PRKG1: variants seen among roughly 807,000 people sequenced by gnomAD.
The protein encoded by PRKG1 is protein kinase cGMP-dependent 1.
A neutral mutation model predicts 88.1 loss-of-function variants in PRKG1; 35 were observed. The ratio of observed to expected loss-of-function variants is 0.40; its 90% CI spans 0.30 to 0.53. The LOEUF (loss-of-function observed/expected upper bound fraction) is 0.53. Ranked by LOEUF, PRKG1 falls within the 20% of genes least tolerant of loss-of-function variation. PRKG1 has a pLI of 0.59. For missense variants in PRKG1, 540 were observed against 839.8 expected, an observed-to-expected ratio of 0.64 and a Z score of 4.41; for synonymous variants, 303 against 292.5, an observed-to-expected ratio of 1.04 and a Z score of -0.37.
At chr10:51,612,488 C>A (rs1279347423) in intron 3 of PRKG1, among the ~76,000 whole-genome samples, 2 of 151,884 alleles carry the variant, frequency 1.3e-5, no homozygotes, top group East Asian at 3.8e-4. Context: ...TTGTATCTAG[C>A]AATTTTACTG....
rs1215623061 is a variant in PRKG1, at chr10:51,566,184, A to G, written c.592+98348A>G. On this transcript the variant is annotated intron_variant, in intron 3 of 17. Transcript: ENST00000373980. ...TATGGCACACTGGCAATTCCTAGAA[A>G]TTTCTCTCTCCAGGGATAAGACTTG... Among the ~76,000 whole-genome samples, 7 of 152,010 alleles carry G rather than the reference A, an allele frequency of 4.6e-5. No individual in the cohort carries two copies. In the South Asian group the frequency reaches 8.3e-4, roughly 18 times the overall value.
intron 2 of PRKG1, among the ~76,000 whole-genome samples, chr10:51,214,175 T>C (rs1299667611): frequency 6.6e-6 from 1 of 152,152 alleles, no homozygotes; most frequent in South Asian, 2.1e-4. Context: ...ATAGGTGATA[T>C]TATATATATG....
chr10:51,464,635 T>C (rs1471266916), intron 2 of PRKG1, among the ~76,000 whole-genome samples: 1 of 151,950 alleles, frequency 6.6e-6, no homozygotes, highest in Non-Finnish European at 1.5e-5. Context: ...CTCACGCCTG[T>C]AATCCCAGCA....
intron 3 of PRKG1, among the ~76,000 whole-genome samples, chr10:51,793,104 C>CA (rs772286011): frequency 1.2e-4 from 9 of 72,802 alleles, no homozygotes; most frequent in Non-Finnish European, 1.8e-4. Flanking sequence ...ACAAATAATT[C>CA]AAAATCTCTA....
chr10:52,089,369 C>A (rs1846994299), intron 7 of PRKG1, among the ~76,000 whole-genome samples: 1 of 152,100 alleles, frequency 6.6e-6, no homozygotes. Context: ...ATTTGGTTGG[C>A]CATTCTCAGC....
At chr10:52,220,807 C>T (rs1046130140) in intron 9 of PRKG1, among the ~76,000 whole-genome samples, 3 of 152,024 alleles carry the variant, frequency 2.0e-5, no homozygotes, top group Admixed American at 6.6e-5. Flanking sequence ...TTTCTTTATC[C>T]AGTATACCGT....
chr10:51,619,548 C>T (rs1177925399), intron 3 of PRKG1, among the ~76,000 whole-genome samples: 2 of 152,166 alleles, frequency 1.3e-5, no homozygotes, highest in African/African-American at 4.8e-5. Context: ...AGTTTGATAG[C>T]TGTGGAGGGA....
intron 2 of PRKG1, among the ~76,000 whole-genome samples, chr10:51,211,942 T>G (rs969639369): frequency 5.3e-5 from 8 of 152,228 alleles, no homozygotes; most frequent in African/African-American, 1.9e-4. Context: ...ACAATGACTT[T>G]CTTCACAGAA....
chr10:51,825,772 G>A (rs1038718261), intron 4 of PRKG1, among the ~76,000 whole-genome samples: 5 of 152,150 alleles, frequency 3.3e-5, no homozygotes, highest in African/African-American at 9.6e-5. Context: ...AATTAATCTA[G>A]CAGGAATGCA....
chr10:51,604,499 G>T (rs1374512991), intron 3 of PRKG1, among the ~76,000 whole-genome samples: 2 of 152,122 alleles, frequency 1.3e-5, no homozygotes, highest in African/African-American at 4.8e-5. Flanking sequence ...AACCATATCT[G>T]ATTCACAACC....
chr10:51,930,990 C>T (rs1842682414), intron 5 of PRKG1, among the ~76,000 whole-genome samples: 2 of 152,128 alleles, frequency 1.3e-5, no homozygotes, highest in Non-Finnish European at 2.9e-5. Flanking sequence ...CTCCTGTCCT[C>T]AGCATTGGTG....
chr10:51,900,830 G>A (rs1403711782), intron 4 of PRKG1, among the ~76,000 whole-genome samples: 1 of 151,984 alleles, frequency 6.6e-6, no homozygotes, highest in East Asian at 1.9e-4. Context: ...AACTCGGCTT[G>A]TAACTCCAAC....
chr10:51,720,386 A>G (rs1236719550), intron 3 of PRKG1, among the ~76,000 whole-genome samples: 1 of 152,230 alleles, frequency 6.6e-6, no homozygotes, highest in Non-Finnish European at 1.5e-5. Context: ...GAACATGCTC[A>G]CTATCTTACT....
chr10:51,870,420 T>A lies in PRKG1; in HGVS notation c.699-37087T>A, dbSNP rs1841127099. Among the ~76,000 whole-genome samples the A allele has an allele frequency of 2.8e-5, 4 of 143,788 alleles. No individual in the cohort carries two copies. In the South Asian group the frequency reaches 8.3e-4, roughly 30 times the overall value. The allele number at this position is 143,788 out of a possible 152,430, so 94.3% of individuals were successfully genotyped here. Reference sequence around the variant, plus strand: ...TTTCTCCTCTTCCTTTCACCGTCCATCTGCTTGGCCATTTTGTCCCTAATG... The same window carrying A: ...TTTCTCCTCTTCCTTTCACCGTCCAACTGCTTGGCCATTTTGTCCCTAATG... On this transcript the variant is annotated intron_variant, in intron 4 of 17. Transcript: ENST00000373980.
At chr10:51,033,608 G>T (rs1448520516) in intron 1 of PRKG1, among the ~76,000 whole-genome samples, 2 of 152,156 alleles carry the variant, frequency 1.3e-5, no homozygotes, top group African/African-American at 4.8e-5. Flanking sequence ...AATATGTGTT[G>T]TATCTACCAC....
At chr10:51,957,237 C>A (rs1391851400) in intron 5 of PRKG1, among the ~76,000 whole-genome samples, 3 of 139,566 alleles carry the variant, frequency 2.1e-5, no homozygotes, top group Non-Finnish European at 4.6e-5. Context: ...TCTTTCTCTA[C>A]TTCTCTCTTT....
intron 2 of PRKG1, among the ~76,000 whole-genome samples, chr10:51,448,664 T>C (rs1459838219): frequency 1.3e-5 from 2 of 152,064 alleles, no homozygotes; most frequent in Non-Finnish European, 2.9e-5. Context: ...ACTGAAAGCA[T>C]GTCCCTGTTT....
chr10:51,656,296 G>A (rs1398797818), intron 3 of PRKG1, among the ~76,000 whole-genome samples: 1 of 152,194 alleles, frequency 6.6e-6, no homozygotes, highest in African/African-American at 2.4e-5. Context: ...GAACCACAGG[G>A]TATCAGGAAT....
Position 51,648,045 on chromosome 10 carries a change from C to T in PRKG1, c.593-156540C>T, listed in dbSNP as rs74132547. 2.0e-3 allele frequency among the ~76,000 whole-genome samples: 17 copies of T among 8,502 alleles called. No individual in the cohort carries two copies. In the East Asian group the frequency reaches 0.1, roughly 51 times the overall value. 5.6% of individuals were successfully genotyped at this position (8,502 alleles called of 152,430 possible). A position where few individuals can be genotyped will look rare whatever the true frequency, so the allele number is the denominator to read the frequency against. On this transcript the variant is annotated intron_variant, in intron 3 of 17. Transcript: ENST00000373980. ...TACATTTTCTGGTTACACATACACA[C>T]ACACACACACACACACACACATATG...
Sources: allele counts gnomAD v4.1 joint callset (sites outside exome capture counted in the v4.1 genomes callset), GRCh38; gene constraint gnomAD v4.1.1; transcripts MANE v1.5; gene names NCBI Gene and HGNC (gene_info 2026-07-23, HGNC 2026-07-21).